GRK4: variants seen among roughly 807,000 people sequenced by gnomAD.
GRK4 encodes the protein G protein-coupled receptor kinase 2-like.
Under a neutral mutation model 77.9 loss-of-function variants are expected in GRK4, and 73 were observed. The ratio of observed to expected loss-of-function variants is 0.94; its 90% CI spans 0.78 to 1.14. The LOEUF (loss-of-function observed/expected upper bound fraction) is 1.14. Ranked by LOEUF, GRK4 falls within the 50% of genes most tolerant of loss-of-function variation. The probability of loss-of-function intolerance (pLI) is 0.00; values close to 1 mark genes in which losing one functional copy is unlikely to be tolerated. For synonymous variants in GRK4, 257 were observed against 254.4 expected, an observed-to-expected ratio of 1.01 and a Z score of -0.10; for missense variants, 729 against 700.2, an observed-to-expected ratio of 1.04 and a Z score of -0.46.
At chr4:3,008,908 G>A (rs1055181105) in intron 6 of GRK4, among the ~76,000 whole-genome samples, 1 of 151,940 alleles carries the variant, frequency 6.6e-6, no homozygotes, top group Non-Finnish European at 1.5e-5. Context: ...TTTTTGAGGC[G>A]CTGGGTATAA....
intron 3 of GRK4, 108 bp from the exon 4 acceptor site, chr4:2,992,107 A>C (rs1726378773): frequency 3.1e-6 from 2 of 652,360 alleles, no homozygotes; most frequent in South Asian, 3.4e-5. Flanking sequence ...CGAACTCTTG[A>C]GCTCAAGTGA....
chr4:3,037,037 C>G (rs1199080584), intron 13 of GRK4, among the ~76,000 whole-genome samples: 2 of 111,658 alleles, frequency 1.8e-5, no homozygotes, highest in African/African-American at 7.3e-5. Context: ...GGCATGGCCT[C>G]AGGAGGGGTG....
intron 5 of GRK4, among the ~76,000 whole-genome samples, chr4:3,006,286 G>A (rs143822488): frequency 0.01 from 1,544 of 151,676 alleles, 28 homozygotes; most frequent in African/African-American, 0.036. Flanking sequence ...AGGCTGAGGC[G>A]GGAGAATCGC....
At chr4:3,001,872 C>T (rs1729928261) in intron 4 of GRK4, among the ~76,000 whole-genome samples, 1 of 152,212 alleles carries the variant, frequency 6.6e-6, no homozygotes, top group Non-Finnish European at 1.5e-5. Flanking sequence ...AGAAATCAGT[C>T]TGGAATGCAT....
In GRK4 at chr4:2,963,938, G is replaced by A. The variant is rs759759307; in HGVS notation, c.-133G>A. 4.7e-6 allele frequency: 4 copies of A among 843,658 alleles called. No individual in the cohort carries two copies. The highest frequency in any genetic ancestry group is 7.8e-6 in the Non-Finnish European group (4 of 515,692). 52.3% of individuals were successfully genotyped at this position (843,658 alleles called of 1,614,324 possible). The stretch of plus-strand genomic sequence containing the variant: ...AGTGGTGGCGGCGGAGCAGCCTCCC[G>A]GGATCGTGTCCGGAGCTCGAGGAGA... On this transcript the variant is annotated 5_prime_UTR_variant, in exon 1 of 16. Coordinates refer to ENST00000398052, the MANE Select transcript of GRK4 (RefSeq NM_182982.3).
intron 1 of GRK4, among the ~76,000 whole-genome samples, chr4:2,981,252 G>A (rs1246322309): frequency 6.6e-6 from 1 of 152,196 alleles, no homozygotes; most frequent in African/African-American, 2.4e-5. Context: ...GGTGAGTTGG[G>A]GGGTGTGCTT....
chr4:2,969,149 G>A (rs1425906091), intron 1 of GRK4: 1 of 152,446 alleles, frequency 6.6e-6, no homozygotes, highest in Non-Finnish European at 1.5e-5. Flanking sequence ...GGAGATCAGA[G>A]AGATGCTGAA....
intron 2 of GRK4, among the ~76,000 whole-genome samples, chr4:2,986,611 C>G (rs910019494): frequency 3.3e-5 from 5 of 151,976 alleles, no homozygotes; most frequent in Non-Finnish European, 7.4e-5. Flanking sequence ...ACCTCAGCCT[C>G]CCAAAGTGCT....
At chr4:3,022,263 T>A in intron 9 of GRK4, 151 bp from the exon 10 acceptor site, 1 of 674,796 alleles carries the variant, frequency 1.5e-6, no homozygotes, top group East Asian at 2.6e-5. Flanking sequence ...TTTTGTAACA[T>A]TCTTGTCCTG....
At chr4:3,033,453 A>C (rs779412660) in intron 12 of GRK4, among the ~76,000 whole-genome samples, 3 of 152,230 alleles carry the variant, frequency 2.0e-5, no homozygotes, top group Non-Finnish European at 4.4e-5. Context: ...ACACACATTC[A>C]GAGCATCCTG....
At chr4:3,027,670 A>C (rs1473349290) in intron 10 of GRK4, among the ~76,000 whole-genome samples, 1 of 152,246 alleles carries the variant, frequency 6.6e-6, no homozygotes, top group Non-Finnish European at 1.5e-5. Flanking sequence ...GCCTATGATT[A>C]AAGGGCTTCC....
chr4:2,978,029 C>T (rs1184675829), intron 1 of GRK4, among the ~76,000 whole-genome samples: 6 of 152,162 alleles, frequency 3.9e-5, no homozygotes, highest in Non-Finnish European at 8.8e-5. Context: ...GTAACATGAG[C>T]CTTTGGTGCC....
intron 1 of GRK4, among the ~76,000 whole-genome samples, chr4:2,977,333 G>A (rs1012512379): frequency 6.6e-5 from 10 of 152,162 alleles, no homozygotes; most frequent in African/African-American, 2.2e-4. Context: ...GCTGCCTCTT[G>A]AGTTATCATC....
intron 1 of GRK4, among the ~76,000 whole-genome samples, chr4:2,964,806 TA>T (rs1208878574): frequency 1.3e-5 from 2 of 152,136 alleles, no homozygotes; most frequent in African/African-American, 4.8e-5. Context: ...AGGCAAGGGT[TA>T]AAAAGAAAAG....
chr4:2,984,677 C>T lies in GRK4; in HGVS notation c.148+69C>T, dbSNP rs533465804. On this transcript the variant is annotated intron_variant, in intron 2 of 15. Coordinates refer to ENST00000398052, the MANE Select transcript of GRK4 (RefSeq NM_182982.3). ...ATGATACCATTCATTAGATGTTATT[C>T]TTTCTTGAGTTCCATGTTTGTTTCA... 67 of 722,654 alleles carry T rather than the reference C, an allele frequency of 9.3e-5. 1 individual carries two copies. Among genetic ancestry groups the T allele is most frequent in the South Asian group, 5.3e-4 (20 of 37,956 alleles). 44.8% of individuals were successfully genotyped at this position (722,654 alleles called of 1,614,324 possible).
At chr4:3,020,740 T>C (rs911322731) in intron 9 of GRK4, among the ~76,000 whole-genome samples, 1 of 151,898 alleles carries the variant, frequency 6.6e-6, no homozygotes, top group Non-Finnish European at 1.5e-5. Flanking sequence ...ATGTTGTAGA[T>C]TCAAAGAGCT....
chr4:3,019,267 C>T (rs1329138426), intron 8 of GRK4, among the ~76,000 whole-genome samples: 1 of 152,202 alleles, frequency 6.6e-6, no homozygotes, highest in Non-Finnish European at 1.5e-5. Flanking sequence ...ACAGTAAGAC[C>T]TCTCTTGCAC....
Position 2,970,522 on chromosome 4 carries a change from G to A in GRK4, c.52+6400G>A, listed in dbSNP as rs544328381. On this transcript the variant is annotated intron_variant, in intron 1 of 15. Coordinates refer to ENST00000398052, the MANE Select transcript of GRK4 (RefSeq NM_182982.3). ...AAAATACAAAAATTAGCCAGGCATG[G>A]TGGCATGCACCTGTAGTCCGAGCTA... is the stretch of plus-strand genomic sequence containing the variant. 8.9e-4 allele frequency among the ~76,000 whole-genome samples: 135 copies of A among 151,990 alleles called. 2 individuals carry two copies. The highest frequency in any genetic ancestry group is 2.8e-3 in the Admixed American group (42 of 15,266).
In GRK4 at chr4:3,013,709, G is replaced by C; in HGVS notation, c.622G>C (p.Ala208Pro). 1 of 1,612,028 alleles carries C rather than the reference G, an allele frequency of 6.2e-7. No homozygotes were observed. Among genetic ancestry groups the C allele is most frequent in the South Asian group, 1.1e-5 (1 of 90,562 alleles). Residue 208 changes from alanine to proline, a missense_variant, in exon 8 of 16, where the codon GCC (alanine) becomes CCC (proline). By Grantham distance (27) the Ala-to-Pro change is conservative. Transcript: ENST00000398052. ...CTAGGTTTGCGCCTGTCAAGTGCGA[G>C]CCACAGGAAAAATGTATGCCTGCAA... ...FGEVCACQVR[A>P]TGKMYACKKL...
Sources: gnomAD v4.1 joint callset for allele counts (sites outside exome capture counted in the v4.1 genomes callset) on GRCh38, gnomAD v4.1.1 for gene constraint, MANE v1.5 for transcripts, NCBI Gene and HGNC (gene_info 2026-07-23, HGNC 2026-07-21) for gene names.